The following DCLK3 variants were observed in gnomAD, a reference collection of about 807,000 sequenced individuals.
DCLK3 encodes serine/threonine-protein kinase DCLK3.
A neutral mutation model predicts 46.4 loss-of-function variants in DCLK3; 30 were observed. That is an observed-to-expected ratio of 0.65 (90% CI 0.48 to 0.88). The LOEUF (loss-of-function observed/expected upper bound fraction) is 0.88. DCLK3 is among the 40% of genes least tolerant of loss of function. DCLK3 has a pLI of 0.00. For synonymous variants in DCLK3, 401 were observed against 339.2 expected, an observed-to-expected ratio of 1.18 and a Z score of -2.00; for missense variants, 846 against 907.1, an observed-to-expected ratio of 0.93 and a Z score of 0.87.
chr3:36,717,467 A>T (rs1278245606), intron 4 of DCLK3, among the ~76,000 whole-genome samples: 1 of 152,218 alleles, frequency 6.6e-6, no homozygotes, highest in South Asian at 2.1e-4. Context: ...TTACAAGGAC[A>T]GTGAGTAGTA....
intron 1 of DCLK3, among the ~76,000 whole-genome samples, chr3:36,760,727 A>C (rs1194752113): frequency 1.3e-5 from 2 of 152,198 alleles, no homozygotes; most frequent in African/African-American, 2.4e-5. Flanking sequence ...TCTATATTTT[A>C]ATAAGATCCC....
At chr3:36,760,614 C>A (rs888332547) in intron 1 of DCLK3, among the ~76,000 whole-genome samples, 2 of 150,170 alleles carry the variant, frequency 1.3e-5, no homozygotes, top group African/African-American at 4.9e-5. Context: ...TACCCTAAAA[C>A]TTAAAGTATA....
Position 36,738,244 on chromosome 3 carries a change from C to T in DCLK3, c.923G>A (p.Cys308Tyr), listed in dbSNP as rs1426376389. Residue 308 changes from cysteine (C) to tyrosine (Y), a missense_variant, in exon 2 of 5, where the codon TGC becomes TAC. Cys to Tyr is a radical substitution (Grantham distance 194). Around this residue, in one of 3 missense-constraint regions of DCLK3, gnomAD observed 553 missense variants for 543.0 expected, o/e 1.02. Coordinates refer to ENST00000636136, the MANE Select transcript of DCLK3 (RefSeq NM_001394672.2). ...CTCCCTCTCTCTCTTGCACTTCTCG[C>T]ATCTGATAATTTCACCCGAGGTCTT... ...IEKTSGEIIR[C>Y]EKCKRERELQ... 2 of 1,575,802 alleles carry T rather than the reference C, an allele frequency of 1.3e-6. No homozygotes were observed. Among genetic ancestry groups the T allele is most frequent in the East Asian group, 2.2e-5 (1 of 44,486 alleles).
chr3:36,734,343 A>T (rs559726266), intron 2 of DCLK3, among the ~76,000 whole-genome samples: 1 of 152,308 alleles, frequency 6.6e-6, no homozygotes, highest in South Asian at 2.1e-4. Flanking sequence ...ACCCAGAAAA[A>T]GGATAAACAT....
chr3:36,757,486 C>CA (rs36122014), intron 1 of DCLK3, among the ~76,000 whole-genome samples: 16,524 of 151,046 alleles, frequency 0.11, 1,158 homozygotes, highest in East Asian at 0.23. Flanking sequence ...ATACAGAAAA[C>CA]AAAAAAAAAG....
intron 1 of DCLK3, among the ~76,000 whole-genome samples, chr3:36,761,319 C>A (rs371166516): frequency 9.2e-5 from 14 of 152,250 alleles, no homozygotes; most frequent in African/African-American, 3.4e-4. Context: ...TGAACAATTG[C>A]TATTAAATGA....
At chr3:36,753,925 G>A (rs755144442) in intron 1 of DCLK3, among the ~76,000 whole-genome samples, 14 of 152,154 alleles carry the variant, frequency 9.2e-5, no homozygotes, top group Non-Finnish European at 1.5e-4. Flanking sequence ...GTGACCTCTC[G>A]CGCCTCGGCC....
chr3:36,727,246 GC>G (rs1476827900), intron 2 of DCLK3, among the ~76,000 whole-genome samples: 1 of 152,132 alleles, frequency 6.6e-6, no homozygotes, highest in Non-Finnish European at 1.5e-5. Flanking sequence ...CTGAGGTCGA[GC>G]CACTGCACTC....
chr3:36,721,597 A>G lies in DCLK3; in HGVS notation c.2022T>C (p.His674=), dbSNP rs746528492. ...LKLADFGLAK[H]VVRPIFTVCG... is the part of the protein sequence containing the mutation. Reference sequence around the variant, plus strand: ...ACACAGTAAATATAGGTCTCACCACATGCTTTGCAAGTCCAAAATCAGCCA... The same window carrying G: ...ACACAGTAAATATAGGTCTCACCACGTGCTTTGCAAGTCCAAAATCAGCCA... Residue 674 remains histidine, a synonymous_variant, in exon 3 of 5, where the codon CAT becomes CAC. Transcript: ENST00000636136. 2.5e-6 allele frequency: 4 copies of G among 1,614,214 alleles called. No homozygotes were observed. Among genetic ancestry groups the G allele is most frequent in the East Asian group, 4.5e-5 (2 of 44,882 alleles).
intron 1 of DCLK3, among the ~76,000 whole-genome samples, chr3:36,758,172 G>T (rs1701505064): frequency 6.6e-6 from 1 of 152,048 alleles, no homozygotes; most frequent in African/African-American, 2.4e-5. Context: ...ATCTTAGGAG[G>T]GTCCATGAGT....
Position 36,717,903 on chromosome 3 carries a change from C to T in DCLK3, c.2260+107G>A, listed in dbSNP as rs1701004936. On this transcript the variant is annotated intron_variant, in intron 4 of 4. Transcript: ENST00000636136. ...TGAGGAAGTAAAGGCTGAGACATGA[C>T]ATGTTGACAGTCCAACTCTGCACCA... is the stretch of plus-strand genomic sequence containing the variant. The T allele has an allele frequency of 4.3e-6, 6 of 1,411,680 alleles. No individual in the cohort carries two copies. The Admixed American group carries it at 1.1e-4, about 26-fold the overall frequency. 87.4% of individuals were successfully genotyped at this position (1,411,680 alleles called of 1,614,324 possible). A position where few individuals can be genotyped will look rare whatever the true frequency, so the allele number is the denominator to read the frequency against.
intron 4 of DCLK3, among the ~76,000 whole-genome samples, 196 bp downstream of exon 4, chr3:36,717,814 T>A (rs953448794): frequency 2.0e-5 from 3 of 152,178 alleles, no homozygotes; most frequent in Non-Finnish European, 4.4e-5. Context: ...GTGGTTGGGC[T>A]TTTTCACTAA....
At position 36,738,099 on chromosome 3, in the gene DCLK3, G is replaced by C. The variant is rs149703753; in HGVS notation, c.1068C>G (p.Pro356=). ...CCTCCCCACTTGCAGGATTTGCCTCGGGAGACCTCCTGCAGCTTCTGGTCC... is the reference window on the plus strand; with the variant it reads ...CCTCCCCACTTGCAGGATTTGCCTCCGGAGACCTCCTGCAGCTTCTGGTCC... ...LVRTRSCRRS[P]EANPASGEEG... Residue 356 remains proline, a synonymous_variant, in exon 2 of 5, where the codon CCC becomes CCG. Transcript: ENST00000636136. 6.2e-7 allele frequency: 1 copy of C among 1,613,412 alleles called. No individual in the cohort carries two copies. Among genetic ancestry groups the C allele is most frequent in the Non-Finnish European group, 8.5e-7 (1 of 1,179,796 alleles).
rs1442620880 is a variant in DCLK3 at position 36,712,762 on chromosome 3, C to G, written c.*2566G>C. 1 of 152,080 alleles carries G rather than the reference C, an allele frequency of 6.6e-6. No individual in the cohort carries two copies. The highest frequency in any genetic ancestry group is 1.5e-5 in the Non-Finnish European group (1 of 68,012). 9.4% of individuals were successfully genotyped at this position (152,080 alleles called of 1,614,324 possible). ...TCTTTGGCAGTCCATCCATGTTGTT[C>G]GTGTATGAATAGTTCATCCCTTTTT... On this transcript the variant is annotated 3_prime_UTR_variant, in exon 5 of 5. Transcript: ENST00000636136.
chr3:36,739,360 C>T (rs1701319519), intron 1 of DCLK3, among the ~76,000 whole-genome samples: 1 of 152,330 alleles, frequency 6.6e-6, no homozygotes, highest in African/African-American at 2.4e-5. Flanking sequence ...GGAGCTGATA[C>T]AGTTTGGCTC....
At chr3:36,756,954 G>A (rs761817613) in intron 1 of DCLK3, among the ~76,000 whole-genome samples, 11 of 151,694 alleles carry the variant, frequency 7.3e-5, no homozygotes, top group African/African-American at 9.7e-5. Context: ...CAGAGGCTCT[G>A]CTATGAAAAC....
rs761125387 is a variant in DCLK3 at position 36,737,871 on chromosome 3, G to A, written c.1296C>T (p.Asp432=). ...GTTTGCTCCTGCTCATGGGCCTGGTGTCCTTCTTCACCTCCCTCAGCCCCT... is the reference window on the plus strand; with the variant it reads ...GTTTGCTCCTGCTCATGGGCCTGGTATCCTTCTTCACCTCCCTCAGCCCCT... The part of the protein sequence containing the change: ...TEEGLREVKK[D]TRPMSRSKHG... Residue 432 remains aspartate (D), a synonymous_variant, in exon 2 of 5, where the codon GAC becomes GAT. Transcript: ENST00000636136. The surrounding 1 kb of genome is among the most constrained non-coding windows in gnomAD (Gnocchi z 4.4). 15 of 1,613,792 alleles carry A rather than the reference G, an allele frequency of 9.3e-6. No homozygotes were observed. Among genetic ancestry groups the A allele is most frequent in the African/African-American group, 1.3e-5 (1 of 74,916 alleles).
intron 2 of DCLK3, among the ~76,000 whole-genome samples, chr3:36,722,988 A>T (rs1206561928): frequency 6.6e-5 from 10 of 152,210 alleles, no homozygotes; most frequent in Non-Finnish European, 1.5e-4. Flanking sequence ...GGCTCAGAAG[A>T]AGACAGAAAA....
At chr3:36,743,951 C>T (rs1289620270) in intron 1 of DCLK3, among the ~76,000 whole-genome samples, 1 of 152,320 alleles carries the variant, frequency 6.6e-6, no homozygotes, top group African/African-American at 2.4e-5. Context: ...AGCTCCCTCC[C>T]CTGAAGACCT....
Sources: gnomAD v4.1 joint callset for allele counts (sites outside exome capture counted in the v4.1 genomes callset) on GRCh38, gnomAD v4.1.1 for gene constraint, gnomAD v4.1.1 regional missense constraint, Gnocchi (gnomAD v3.1) non-coding constraint, MANE v1.5 for transcripts, NCBI Gene and HGNC (gene_info 2026-07-23, HGNC 2026-07-21) for gene names.